The following PWWP2A variants were observed in gnomAD, a reference collection of about 807,000 sequenced individuals.
PWWP2A encodes PWWP domain-containing protein 2A.
Under a neutral mutation model 48.5 loss-of-function variants are expected in PWWP2A, and 18 were observed. The ratio of observed to expected loss-of-function variants is 0.37; its 90% CI spans 0.26 to 0.55. PWWP2A has a LOEUF of 0.55. Among genes scored for constraint, PWWP2A ranks in the 20% least tolerant of loss-of-function variants. PWWP2A has a pLI of 0.81. For missense variants in PWWP2A, 867 were observed against 976.4 expected (o/e 0.89, Z 1.49); for synonymous variants, 396 against 387.7 (o/e 1.02, Z -0.25).
chr5:160,059,075 T>G (rs1581127114), downstream of PWWP2A, among the ~76,000 whole-genome samples: 2 of 152,198 alleles, frequency 1.3e-5, no homozygotes, highest in East Asian at 3.9e-4. Flanking sequence ...CAACTTAAAG[T>G]CACCAGCTGT....
intron 5 of PWWP2A, among the ~76,000 whole-genome samples, chr5:160,063,321 A>G (rs1013811248): frequency 2.6e-5 from 4 of 152,058 alleles, no homozygotes; most frequent in South Asian, 2.1e-4. Flanking sequence ...GGCTCAAGCA[A>G]TCCTCCTAAC....
chr5:160,090,006 A>G, downstream of PWWP2A: 1 of 985,254 alleles, frequency 1.0e-6, no homozygotes, highest in South Asian at 4.7e-5. Context: ...AAGATTAGAG[A>G]GATTCTTTAA....
intron 1 of PWWP2A, among the ~76,000 whole-genome samples, chr5:160,098,240 A>T (rs1755890017): frequency 6.6e-6 from 1 of 152,246 alleles, no homozygotes; most frequent in South Asian, 2.1e-4. Flanking sequence ...GCTTTTAGTA[A>T]CATAGGGAAG....
At chr5:160,109,650 A>G (rs1359417110) in intron 1 of PWWP2A, among the ~76,000 whole-genome samples, 1 of 150,602 alleles carries the variant, frequency 6.6e-6, no homozygotes, top group East Asian at 2.0e-4. Context: ...AAACAAGGAG[A>G]GGCTTTGAAG....
At chr5:160,107,758 C>T (rs1757045164) in intron 1 of PWWP2A, among the ~76,000 whole-genome samples, 1 of 151,924 alleles carries the variant, frequency 6.6e-6, no homozygotes, top group South Asian at 2.1e-4. Context: ...GTGGCTCATG[C>T]CTGTAATCCC....
At chr5:160,046,225 C>G in the PWWP2A span, among the ~76,000 whole-genome samples, 10 of 152,178 alleles carry the variant, frequency 6.6e-5, no homozygotes, top group Non-Finnish European at 1.3e-4. Context: ...CCATTGAAAC[C>G]CATCTTGTAA....
chr5:160,106,554 C>A (rs1034424301), intron 1 of PWWP2A, among the ~76,000 whole-genome samples: 4 of 151,394 alleles, frequency 2.6e-5, no homozygotes, highest in Non-Finnish European at 5.9e-5. Context: ...AAGAAATATG[C>A]AAAAAAGTGA....
downstream of PWWP2A, among the ~76,000 whole-genome samples, chr5:160,071,016 T>TATC (rs2113442631): frequency 6.6e-6 from 1 of 152,220 alleles, no homozygotes; most frequent in African/African-American, 2.4e-5. Context: ...GGCGAAACCC[T>TATC]ATCTTTAGTA....
rs1755217775 is a variant in PWWP2A at position 160,092,803 on chromosome 5, G to A, written c.1847C>T (p.Thr616Ile). The change falls in exon 2 of 2, where the codon ACC (threonine) becomes ATC (isoleucine). Residue 616 changes from threonine (T) to isoleucine (I), a missense_variant. Coordinates refer to ENST00000307063, the MANE Select transcript of PWWP2A (RefSeq NM_001130864.2). Reference protein sequence around the residue: ...FPPGSMHAPSTSSTSSSSKEE... With the variant: ...FPPGSMHAPSISSTSSSSKEE... ...CTTTGAAGAGGAGGAAGTGGAGGAG[G>A]TGGAAGGTGCATGCATACTGCCTGG... 1.3e-6 allele frequency: 2 copies of A among 1,551,690 alleles called. No individual in the cohort carries two copies. The highest frequency in any genetic ancestry group is 1.2e-5 in the South Asian group (1 of 84,062).
intron 1 of PWWP2A, among the ~76,000 whole-genome samples, chr5:160,104,719 T>G (rs1756689095): frequency 6.6e-6 from 1 of 151,928 alleles, no homozygotes; most frequent in African/African-American, 2.4e-5. Flanking sequence ...GCAGGAGAAT[T>G]GCCTGAACCC....
intron 2 of PWWP2A, among the ~76,000 whole-genome samples, chr5:160,083,802 G>A (rs375154659): frequency 2.6e-5 from 4 of 152,144 alleles, no homozygotes; most frequent in South Asian, 2.1e-4. Context: ...TTGGCATAAG[G>A]GAGAGTAGAA....
In PWWP2A at chr5:160,078,238, CTTG is replaced by C. The variant is rs1445909501; in HGVS notation, c.1670-73_1670-71del. On this transcript the variant is annotated intron_variant, in intron 3 of 3. Coordinates refer to the PWWP2A transcript ENST00000456329. This position sits in a 1 kb window ranked among gnomAD's most constrained non-coding sequence, Gnocchi z 4.2. ...GTAATTATATGAGGAAAATGATGTC[CTTG>C]TTGTTTAAGCCCTACATAGATTGTG... is the stretch of plus-strand genomic sequence containing the variant. 5.5e-6 allele frequency: 7 copies of C among 1,281,218 alleles called. No homozygotes were observed. Among genetic ancestry groups the C allele is most frequent in the Non-Finnish European group, 7.8e-6 (7 of 902,210 alleles). 79.4% of individuals were successfully genotyped at this position (1,281,218 alleles called of 1,614,324 possible).
At chr5:160,051,534 G>A in the PWWP2A span, among the ~76,000 whole-genome samples, 119,140 of 152,204 alleles carry the variant, frequency 0.78, 46,784 homozygotes, top group East Asian at 0.89. Context: ...TTTCTTCATT[G>A]AATAATCATT....
At position 160,092,250 on chromosome 5, in the gene PWWP2A, T is replaced by C. The variant is rs1755158746; in HGVS notation, c.*132A>G. ...AGTCTAAAAATGGCTATAAGGTAAGTATTAAAAAGCCAGCCAACTGAGTGC... is the reference window on the plus strand; with the variant it reads ...AGTCTAAAAATGGCTATAAGGTAAGCATTAAAAAGCCAGCCAACTGAGTGC... On this transcript the variant is annotated 3_prime_UTR_variant, in exon 2 of 2. Coordinates refer to ENST00000307063, the MANE Select transcript of PWWP2A (RefSeq NM_001130864.2). 7.0e-7 allele frequency: 1 copy of C among 1,420,138 alleles called. No individual in the cohort carries two copies. The highest frequency in any genetic ancestry group is 1.4e-5 in the African/African-American group (1 of 69,444). The allele number at this position is 1,420,138 out of a possible 1,614,324, so 88.0% of individuals were successfully genotyped here. A position where few individuals can be genotyped will look rare whatever the true frequency, so the allele number is the denominator to read the frequency against.
intron 2 of PWWP2A, among the ~76,000 whole-genome samples, chr5:160,068,216 C>CGG (rs1753661528): frequency 6.6e-6 from 1 of 152,148 alleles, no homozygotes; most frequent in Non-Finnish European, 1.5e-5. Flanking sequence ...CCCCCTAACC[C>CGG]ACCACCAAAA....
At chr5:160,056,165 A>C in the PWWP2A span, among the ~76,000 whole-genome samples, 1 of 152,212 alleles carries the variant, frequency 6.6e-6, no homozygotes, top group African/African-American at 2.4e-5. Flanking sequence ...CCCTCAAAGA[A>C]ACCATAACAC....
intron 2 of PWWP2A, among the ~76,000 whole-genome samples, chr5:160,084,758 C>CA (rs1754494717): frequency 6.6e-6 from 1 of 152,106 alleles, no homozygotes; most frequent in Non-Finnish European, 1.5e-5. Flanking sequence ...TGCTTAAACT[C>CA]ACCTGCATCA....
Position 160,091,458 on chromosome 5 carries a change from G to A in PWWP2A, c.*924C>T, listed in dbSNP as rs1195243998. Reference sequence around the variant, plus strand: ...TGACCTGCAAACAGATACCTTAAACGGAAATTATTTTGTTTTAATTATCAA... The same window carrying A: ...TGACCTGCAAACAGATACCTTAAACAGAAATTATTTTGTTTTAATTATCAA... On this transcript the variant is annotated 3_prime_UTR_variant, in exon 2 of 2. Coordinates refer to ENST00000307063, the MANE Select transcript of PWWP2A (RefSeq NM_001130864.2). 3.0e-5 allele frequency: 29 copies of A among 974,122 alleles called. No individual in the cohort carries two copies. The East Asian group carries it at 3.5e-4, about 12-fold the overall frequency. 60.3% of individuals were successfully genotyped at this position (974,122 alleles called of 1,614,324 possible).
At chr5:160,105,239 CAAAAAA>C (rs70990704) in intron 1 of PWWP2A, among the ~76,000 whole-genome samples, 209 of 48,978 alleles carry the variant, frequency 4.3e-3, no homozygotes, top group African/African-American at 0.017. Context: ...GTCTCTAAGG[CAAAAAA>C]AAAAAAAAAA....
Sources: allele counts gnomAD v4.1 joint callset (sites outside exome capture counted in the v4.1 genomes callset), GRCh38; gene constraint gnomAD v4.1.1; non-coding constraint Gnocchi (gnomAD v3.1); transcripts MANE v1.5; gene names NCBI Gene and HGNC (gene_info 2026-07-23, HGNC 2026-07-21).